The following TUSC3 variants were observed in gnomAD, a reference collection of about 807,000 sequenced individuals.
TUSC3 encodes dolichyl-diphosphooligosaccharide--protein glycosyltransferase subunit TUSC3.
Under a neutral mutation model 44.8 loss-of-function variants are expected in TUSC3, and 45 were observed. That is an observed-to-expected ratio of 1.00 (90% CI 0.79 to 1.29). The LOEUF (loss-of-function observed/expected upper bound fraction) is 1.29, where lower values mean the gene tolerates loss of function less well. Among genes scored for constraint, TUSC3 ranks in the 50% most tolerant of loss-of-function variants. The pLI, the probability that TUSC3 is intolerant of heterozygous loss-of-function variation, is 0.00. For synonymous variants in TUSC3, 212 were observed against 152.9 expected (o/e 1.39, Z -2.85); for missense variants, 519 against 437.9 (o/e 1.19, Z -1.65).
At chr8:15,514,251 A>G (rs1801180609) in intron 2 of TUSC3, among the ~76,000 whole-genome samples, 1 of 152,188 alleles carries the variant, frequency 6.6e-6, no homozygotes, top group Non-Finnish European at 1.5e-5. Flanking sequence ...TGAAAGCATC[A>G]TTAGGTCTAA....
intron 2 of TUSC3, among the ~76,000 whole-genome samples, chr8:15,501,649 A>C (rs1341258162): frequency 1.3e-5 from 2 of 152,178 alleles, no homozygotes; most frequent in Non-Finnish European, 2.9e-5. Flanking sequence ...CAGGTACTCA[A>C]GCAGTTTCGT....
At chr8:15,650,211 AT>A (rs1806828434) in intron 2 of TUSC3, among the ~76,000 whole-genome samples, 3 of 152,224 alleles carry the variant, frequency 2.0e-5, no homozygotes, top group Non-Finnish European at 2.9e-5. Flanking sequence ...AGTATTTAAA[AT>A]TTTAAAACTA....
chr8:15,622,632 T>G (rs1466743362), intron 1 of TUSC3, among the ~76,000 whole-genome samples: 3 of 152,208 alleles, frequency 2.0e-5, no homozygotes, highest in Non-Finnish European at 4.4e-5. Context: ...AACACTCTTT[T>G]GTGTATAGTT....
intron 1 of TUSC3, among the ~76,000 whole-genome samples, chr8:15,587,601 T>C (rs1164268478): frequency 1.3e-5 from 2 of 152,154 alleles, no homozygotes; most frequent in Non-Finnish European, 2.9e-5. Context: ...TCTAGGTCTT[T>C]GAACATATAC....
intron 2 of TUSC3, among the ~76,000 whole-genome samples, chr8:15,497,703 T>TTTTCTTTTTTC (rs1365907022): frequency 6.6e-6 from 1 of 151,302 alleles, no homozygotes; most frequent in Non-Finnish European, 1.5e-5. Context: ...GCAAGAGAAG[T>TTTTCTTTTTTC]TTTCTTTTTT....
intron 1 of TUSC3, among the ~76,000 whole-genome samples, chr8:15,476,766 C>A (rs1004715174): frequency 1.3e-5 from 2 of 152,300 alleles, no homozygotes; most frequent in Non-Finnish European, 1.5e-5. Flanking sequence ...GGTTTAAATA[C>A]CCTCTAGAGG....
At chr8:15,742,072 A>G (rs892005073) in intron 7 of TUSC3, among the ~76,000 whole-genome samples, 1 of 152,346 alleles carries the variant, frequency 6.6e-6, no homozygotes, top group South Asian at 2.1e-4. Context: ...ACAGACTACC[A>G]TACTGATGAT....
chr8:15,490,449 A>G (rs113282001), intron 2 of TUSC3, among the ~76,000 whole-genome samples: 2 of 151,826 alleles, frequency 1.3e-5, no homozygotes, highest in African/African-American at 4.8e-5. Context: ...CCACCCTGCA[A>G]TTTTCCAGCA....
At chr8:15,597,327 A>C (rs550957168) in intron 1 of TUSC3, among the ~76,000 whole-genome samples, 1 of 152,230 alleles carries the variant, frequency 6.6e-6, no homozygotes, top group East Asian at 1.9e-4. Flanking sequence ...ATCAGAGTGT[A>C]ATCTGGGACA....
the TUSC3 span, among the ~76,000 whole-genome samples, chr8:15,830,399 G>A: frequency 0.091 from 13,844 of 152,012 alleles, 742 homozygotes; most frequent in Middle Eastern, 0.18. Flanking sequence ...TTTTCTTCTG[G>A]GAATTTTTAT....
intron 1 of TUSC3, among the ~76,000 whole-genome samples, chr8:15,605,464 C>T (rs1276814974): frequency 6.6e-6 from 1 of 151,914 alleles, no homozygotes; most frequent in African/African-American, 2.4e-5. Context: ...ATTTGCTACA[C>T]AGTTGACCCT....
chr8:15,786,411 GATAAA>G, the TUSC3 span, among the ~76,000 whole-genome samples: 7 of 152,118 alleles, frequency 4.6e-5, no homozygotes, highest in African/African-American at 1.7e-4. Context: ...TAAAATGAAA[GATAAA>G]ATAATGTGGA....
At chr8:15,524,070 A>AG (rs1255244915) in intron 2 of TUSC3, among the ~76,000 whole-genome samples, 2 of 151,312 alleles carry the variant, frequency 1.3e-5, no homozygotes, top group Non-Finnish European at 2.9e-5. Flanking sequence ...AAAAAAAAAA[A>AG]ATAGAAATCA....
At chr8:15,847,584 T>C in the TUSC3 span, among the ~76,000 whole-genome samples, 1 of 152,142 alleles carries the variant, frequency 6.6e-6, no homozygotes, top group Non-Finnish European at 1.5e-5. Context: ...TGATTTGTAA[T>C]GGAAAGGGTA....
At chr8:15,611,386 A>C (rs929679818) in intron 1 of TUSC3, among the ~76,000 whole-genome samples, 1 of 152,130 alleles carries the variant, frequency 6.6e-6, no homozygotes, top group Non-Finnish European at 1.5e-5. Context: ...AGGAGGTTTC[A>C]CCATGTTGGC....
At chr8:15,586,379 G>C (rs1803603716) in intron 1 of TUSC3, among the ~76,000 whole-genome samples, 1 of 152,084 alleles carries the variant, frequency 6.6e-6, no homozygotes, top group Non-Finnish European at 1.5e-5. Context: ...AGAGGAGTTG[G>C]TTCTTGGGTG....
chr8:15,799,823 C>T, the TUSC3 span, among the ~76,000 whole-genome samples: 7 of 152,132 alleles, frequency 4.6e-5, no homozygotes, highest in South Asian at 8.3e-4. Flanking sequence ...TCATGGATGT[C>T]GATAGACCTC....
intron 2 of TUSC3, among the ~76,000 whole-genome samples, chr8:15,507,379 T>C (rs1013761610): frequency 6.6e-6 from 1 of 152,220 alleles, no homozygotes. Flanking sequence ...CCTTTATAGT[T>C]CATGCCTTAT....
intron 2 of TUSC3, among the ~76,000 whole-genome samples, chr8:15,500,861 T>C (rs950640048): frequency 6.6e-6 from 1 of 152,196 alleles, no homozygotes; most frequent in Non-Finnish European, 1.5e-5. Context: ...TTTTCTTTCT[T>C]TCAACTGGTC....
Sources: gnomAD v4.1 joint callset for allele counts (sites outside exome capture counted in the v4.1 genomes callset) on GRCh38, gnomAD v4.1.1 for gene constraint, MANE v1.5 for transcripts, NCBI Gene and HGNC (gene_info 2026-07-23, HGNC 2026-07-21) for gene names.